The following PLCB1 variants were observed in gnomAD, a reference collection of about 807,000 sequenced individuals.
The protein encoded by PLCB1 is 1-phosphatidylinositol 4,5-bisphosphate phosphodiesterase beta-1.
PLCB1 carries 46 observed loss-of-function variants against 161.8 expected under a neutral mutation model. The ratio of observed to expected loss-of-function variants is 0.28; its 90% CI spans 0.22 to 0.36. The LOEUF (loss-of-function observed/expected upper bound fraction) is 0.36. PLCB1 is among the 10% of genes least tolerant of loss of function. The pLI, the probability that PLCB1 is intolerant of heterozygous loss-of-function variation, is 1.00. For missense variants in PLCB1, 1,016 were observed against 1,472.5 expected (o/e 0.69, Z 5.07); for synonymous variants, 517 against 503.7 (o/e 1.03, Z -0.35).
At chr20:8,385,984 T>C (rs906190912) in intron 3 of PLCB1, among the ~76,000 whole-genome samples, 1 of 152,256 alleles carries the variant, frequency 6.6e-6, no homozygotes, top group Non-Finnish European at 1.5e-5. Context: ...GTTCAAGTTT[T>C]ATTATAAGAT....
At chr20:8,733,093 C>A (rs1181141304) in intron 18 of PLCB1, 145 bp from the exon 19 acceptor site, 19 of 786,906 alleles carry the variant, frequency 2.4e-5, no homozygotes, top group Non-Finnish European at 3.8e-5. Context: ...TTTTTCTTAT[C>A]TGTGTTTCCT....
intron 3 of PLCB1, among the ~76,000 whole-genome samples, chr20:8,538,859 T>A (rs905066841): frequency 1.3e-5 from 2 of 151,188 alleles, no homozygotes; most frequent in African/African-American, 4.9e-5. Context: ...AATGGTGCCA[T>A]CTCTGCTCAC....
At chr20:8,650,655 T>A (rs1989292592) in intron 7 of PLCB1, among the ~76,000 whole-genome samples, 2 of 152,236 alleles carry the variant, frequency 1.3e-5, no homozygotes. Context: ...ACTTTGGGGC[T>A]TTCCAGCCCT....
intron 2 of PLCB1, among the ~76,000 whole-genome samples, chr20:8,250,426 A>G (rs980235102): frequency 1.1e-4 from 17 of 151,754 alleles, no homozygotes; most frequent in African/African-American, 3.9e-4. Flanking sequence ...ATTATTTGTA[A>G]TCTGTTGGGT....
At chr20:8,657,429 G>A (rs1600230337) in intron 8 of PLCB1, 145 bp downstream of exon 8, 1 of 642,848 alleles carries the variant, frequency 1.6e-6, no homozygotes, top group East Asian at 2.7e-5. Context: ...GTTTTGGATA[G>A]GATCACACAA....
intron 31 of PLCB1, among the ~76,000 whole-genome samples, chr20:8,842,355 T>G (rs1033783836): frequency 5.3e-5 from 8 of 152,192 alleles, no homozygotes; most frequent in African/African-American, 1.7e-4. Context: ...TTTGACTGTT[T>G]GTAAGTCTAG....
At chr20:8,752,786 C>A in intron 23 of PLCB1, among the ~76,000 whole-genome samples, 1 of 147,582 alleles carries the variant, frequency 6.8e-6, no homozygotes, top group Non-Finnish European at 1.5e-5. Context: ...GAGTGAGACT[C>A]CATCTCAAAA....
rs557109420 is a variant in PLCB1, at chr20:8,650,231, G to T, written c.594+782G>T. Reference sequence around the variant, plus strand: ...TTAGGAGGCGAGACTCAACTCTGGTGGTGGGGTATGAACACCGGACCAAAT... The same window carrying T: ...TTAGGAGGCGAGACTCAACTCTGGTTGTGGGGTATGAACACCGGACCAAAT... On this transcript the variant is annotated intron_variant, in intron 7 of 31. Coordinates refer to ENST00000338037, the MANE Select transcript of PLCB1 (RefSeq NM_015192.4). 2.0e-5 allele frequency among the ~76,000 whole-genome samples: 3 copies of T among 152,094 alleles called. No homozygotes were observed. The East Asian group carries it at 5.8e-4, about 29-fold the overall frequency.
At chr20:8,838,667 C>T (rs1568619792) in intron 31 of PLCB1, among the ~76,000 whole-genome samples, 1 of 152,198 alleles carries the variant, frequency 6.6e-6, no homozygotes, top group South Asian at 2.1e-4. Context: ...TACCACATTC[C>T]TGAAGGATGG....
chr20:8,167,568 AAT>A (rs1482281346), intron 2 of PLCB1, among the ~76,000 whole-genome samples: 1 of 152,210 alleles, frequency 6.6e-6, no homozygotes, highest in East Asian at 1.9e-4. Flanking sequence ...AAAGGAAAGT[AAT>A]TTCTTTCCAC....
intron 3 of PLCB1, among the ~76,000 whole-genome samples, chr20:8,503,033 A>G (rs1442605309): frequency 6.6e-6 from 1 of 152,202 alleles, no homozygotes; most frequent in Non-Finnish European, 1.5e-5. Context: ...AGCTATGTGC[A>G]GGGACATTTG....
At chr20:8,444,669 T>C (rs1287869685) in intron 3 of PLCB1, among the ~76,000 whole-genome samples, 1 of 152,232 alleles carries the variant, frequency 6.6e-6, no homozygotes, top group East Asian at 1.9e-4. Flanking sequence ...CCACCAACAA[T>C]GTAAAAGTGT....
intron 3 of PLCB1, among the ~76,000 whole-genome samples, chr20:8,515,573 C>A (rs745998295): frequency 6.6e-6 from 1 of 152,168 alleles, no homozygotes; most frequent in Non-Finnish European, 1.5e-5. Flanking sequence ...ATTAGAACCT[C>A]CTTCCCAATC....
intron 2 of PLCB1, among the ~76,000 whole-genome samples, chr20:8,321,754 T>G (rs994553363): frequency 6.6e-6 from 1 of 152,180 alleles, no homozygotes; most frequent in Non-Finnish European, 1.5e-5. Flanking sequence ...CCACATTAAA[T>G]GCCACCATCC....
chr20:8,697,292 T>C (rs1268688940), intron 10 of PLCB1, among the ~76,000 whole-genome samples: 2 of 152,250 alleles, frequency 1.3e-5, no homozygotes, highest in Non-Finnish European at 2.9e-5. Flanking sequence ...GGTATTTTTT[T>C]ATTAAATAGT....
chr20:8,505,797 T>C (rs1312282655), intron 3 of PLCB1, among the ~76,000 whole-genome samples: 1 of 152,198 alleles, frequency 6.6e-6, no homozygotes, highest in African/African-American at 2.4e-5. Flanking sequence ...ATGTCACATC[T>C]GTTTGGAGAA....
At chr20:8,586,987 A>C (rs1203383512) in intron 3 of PLCB1, among the ~76,000 whole-genome samples, 1 of 152,142 alleles carries the variant, frequency 6.6e-6, no homozygotes, top group Non-Finnish European at 1.5e-5. Flanking sequence ...ATGGGGGATG[A>C]GCTGGTGGCA....
chr20:8,655,421 C>T (rs1295100564), intron 7 of PLCB1, among the ~76,000 whole-genome samples: 6 of 152,008 alleles, frequency 3.9e-5, no homozygotes, highest in Non-Finnish European at 4.4e-5. Context: ...TGCAGATTAG[C>T]AAAGACTAGA....
rs2051336131 is a variant in PLCB1 at position 8,135,511 on chromosome 20, C to A, written c.99+2761C>A. On this transcript the variant is annotated intron_variant, in intron 1 of 31. Transcript: ENST00000338037. The stretch of plus-strand genomic sequence containing the variant: ...CTTTAACATAGGCACTAAACAATCA[C>A]AACAGACAGCAGGGGGGTAATAGAT... Among the ~76,000 whole-genome samples the A allele has an allele frequency of 2.6e-5, 4 of 152,116 alleles. 1 individual carries two copies. In the South Asian group the frequency reaches 8.3e-4, roughly 31 times the overall value.
Sources: gnomAD v4.1 joint callset for allele counts (sites outside exome capture counted in the v4.1 genomes callset) on GRCh38, gnomAD v4.1.1 for gene constraint, MANE v1.5 for transcripts, NCBI Gene and HGNC (gene_info 2026-07-23, HGNC 2026-07-21) for gene names.